Variants in SCAMP1 observed in about 807,000 individuals in gnomAD.
SCAMP1 encodes secretory carrier membrane protein 1.
A neutral mutation model predicts 41.8 loss-of-function variants in SCAMP1; 15 were observed. The ratio of observed to expected loss-of-function variants is 0.36; its 90% CI spans 0.24 to 0.55. The LOEUF is 0.55. SCAMP1 is among the 20% of genes least tolerant of loss of function. The pLI, the probability that SCAMP1 is intolerant of heterozygous loss-of-function variation, is 0.86. For missense variants in SCAMP1, 341 were observed against 412.6 expected, an observed-to-expected ratio of 0.83 and a Z score of 1.50; for synonymous variants, 135 against 136.8, an observed-to-expected ratio of 0.99 and a Z score of 0.09.
chr5:78,406,710 TGTA>T (rs1206349044), intron 2 of SCAMP1, among the ~76,000 whole-genome samples: 2 of 152,182 alleles, frequency 1.3e-5, no homozygotes, highest in African/African-American at 4.8e-5. Flanking sequence ...AAGAGGCAAA[TGTA>T]GTAAGGTAAT....
chr5:78,454,145 T>A (rs1753319111), intron 7 of SCAMP1, among the ~76,000 whole-genome samples: 1 of 152,086 alleles, frequency 6.6e-6, no homozygotes, highest in South Asian at 2.1e-4. Flanking sequence ...CAATTTGACT[T>A]CCTCTTTTCC....
chr5:78,419,225 G>A lies in SCAMP1; in HGVS notation c.472+322G>A, dbSNP rs984195381. Among the ~76,000 whole-genome samples the A allele has an allele frequency of 3.3e-5, 5 of 152,030 alleles. No homozygotes were observed. The East Asian group carries it at 9.6e-4, about 29-fold the overall frequency. ...GATGTTATCTAGACATGATTTGCTT[G>A]GAAAAAATAGTGCATACTAATTTTA... On this transcript the variant is annotated intron_variant, in intron 5 of 8. Coordinates refer to ENST00000621999, the MANE Select transcript of SCAMP1 (RefSeq NM_004866.6).
Position 78,416,549 on chromosome 5 carries a change from A to G in SCAMP1, c.243A>G (p.Ala81=), listed in dbSNP as rs373544942. Residue 81 remains alanine (A), a synonymous_variant, in exon 4 of 9, where the codon GCA becomes GCG. Coordinates refer to ENST00000621999, the MANE Select transcript of SCAMP1 (RefSeq NM_004866.6). The part of the protein sequence containing the change: ...PAYTQIAKEH[A]LAQAELLKRQ... Reference sequence around the variant, plus strand: ...TGATATTTTTTATTTAGGAACATGCATTGGCCCAAGCTGAACTTCTTAAGC... The same window carrying G: ...TGATATTTTTTATTTAGGAACATGCGTTGGCCCAAGCTGAACTTCTTAAGC... 105 of 1,593,142 alleles carry G rather than the reference A, an allele frequency of 6.6e-5. No homozygotes were observed. The highest frequency in any genetic ancestry group is 8.4e-5 in the Non-Finnish European group (98 of 1,169,760).
intron 6 of SCAMP1, among the ~76,000 whole-genome samples, chr5:78,436,450 A>G (rs1048349293): frequency 2.6e-5 from 4 of 152,236 alleles, no homozygotes; most frequent in Admixed American, 1.3e-4. Context: ...CTGGCTAGCC[A>G]GTTTTCCCAG....
At chr5:78,458,643 A>C (rs868157383) in intron 7 of SCAMP1, among the ~76,000 whole-genome samples, 4 of 152,322 alleles carry the variant, frequency 2.6e-5, no homozygotes, top group Middle Eastern at 6.8e-3. Context: ...CCAGTTTGGG[A>C]GGCCGAGTCA....
intron 1 of SCAMP1, 147 bp downstream of exon 1, chr5:78,360,875 T>C (rs956434361): frequency 5.4e-6 from 4 of 739,184 alleles, no homozygotes; most frequent in Non-Finnish European, 8.9e-6. Context: ...CCATTTGGGG[T>C]CGCGCCCCGG....
intron 8 of SCAMP1, among the ~76,000 whole-genome samples, chr5:78,467,558 C>T (rs1345693344): frequency 2.6e-5 from 4 of 152,170 alleles, no homozygotes; most frequent in African/African-American, 9.7e-5. Context: ...ATATGGATAT[C>T]ATGCAGCATA....
rs376714439 is a variant in SCAMP1, at chr5:78,475,459, C to T, written c.853-45C>T. The stretch of plus-strand genomic sequence containing the variant: ...GATTAAGAGCTGCTGGAAATGAATG[C>T]GTAGGTTGCTACTTACCTTCTCCCA... On this transcript the variant is annotated intron_variant, in intron 8 of 8. Transcript: ENST00000621999. The T allele has an allele frequency of 7.7e-5, 109 of 1,421,484 alleles. No homozygotes were observed. The African/African-American group carries it at 1.3e-3, about 17-fold the overall frequency. 88.1% of individuals were successfully genotyped at this position (1,421,484 alleles called of 1,614,324 possible).
intron 1 of SCAMP1, among the ~76,000 whole-genome samples, chr5:78,368,010 G>A (rs1750841828): frequency 1.3e-5 from 2 of 152,072 alleles, no homozygotes; most frequent in African/African-American, 2.4e-5. Context: ...AGCATTTTTG[G>A]CCTGCTTCTT....
At chr5:78,391,619 G>A (rs1031225161) in intron 2 of SCAMP1, among the ~76,000 whole-genome samples, 6 of 152,342 alleles carry the variant, frequency 3.9e-5, no homozygotes, top group African/African-American at 1.4e-4. Flanking sequence ...GCCGGGCAGA[G>A]GCTGCACTCC....
At chr5:78,456,314 G>A (rs1291738176) in intron 7 of SCAMP1, among the ~76,000 whole-genome samples, 6 of 151,366 alleles carry the variant, frequency 4.0e-5, no homozygotes, top group Non-Finnish European at 8.8e-5. Flanking sequence ...ATTTTGCAGC[G>A]GCTGGTACCG....
At chr5:78,440,832 C>T (rs929042677) in intron 6 of SCAMP1, among the ~76,000 whole-genome samples, 1 of 152,196 alleles carries the variant, frequency 6.6e-6, no homozygotes, top group African/African-American at 2.4e-5. Flanking sequence ...GCAGGCAGGC[C>T]TCCTTGAGTT....
chr5:78,384,429 A>G (rs1325489830), intron 1 of SCAMP1, among the ~76,000 whole-genome samples: 2 of 152,082 alleles, frequency 1.3e-5, no homozygotes, highest in Admixed American at 1.3e-4. Context: ...CTCTTTACCA[A>G]TTTGGATGCC....
chr5:78,382,957 G>C (rs977702811), intron 1 of SCAMP1, among the ~76,000 whole-genome samples: 7 of 151,280 alleles, frequency 4.6e-5, no homozygotes, highest in Non-Finnish European at 1.0e-4. Flanking sequence ...CCTTTGGATT[G>C]ATATCCAGGA....
chr5:78,420,691 A>G (rs1355926355), intron 5 of SCAMP1, among the ~76,000 whole-genome samples: 1 of 152,172 alleles, frequency 6.6e-6, no homozygotes, highest in Non-Finnish European at 1.5e-5. Context: ...AAGTGACTTC[A>G]TCTGGAGCTC....
At chr5:78,363,184 G>A (rs1262578101) in intron 1 of SCAMP1, among the ~76,000 whole-genome samples, 3 of 150,746 alleles carry the variant, frequency 2.0e-5, no homozygotes, top group Non-Finnish European at 1.5e-5. Context: ...GAGCCACTGC[G>A]TTCAAGCAGA....
At position 78,416,632 on chromosome 5, in the gene SCAMP1, A is replaced by G; in HGVS notation, c.326A>G (p.Gln109Arg). ...TTAGATCGTCGGGAACGAGAAATGC[A>G]AAACCTCAGTCAACATGGTAGTATC... ...AELDRREREM[Q>R]NLSQHGRKNN... The change falls in exon 4 of 9, where the codon CAA becomes CGA. Residue 109 changes from glutamine (Q) to arginine (R), a missense_variant. Transcript: ENST00000621999. The G allele has an allele frequency of 6.3e-7, 1 of 1,588,162 alleles. No individual in the cohort carries two copies. The highest frequency in any genetic ancestry group is 8.6e-7 in the Non-Finnish European group (1 of 1,166,834).
At chr5:78,363,337 C>T (rs181798893) in intron 1 of SCAMP1, among the ~76,000 whole-genome samples, 2 of 152,074 alleles carry the variant, frequency 1.3e-5, no homozygotes, top group East Asian at 3.9e-4. Flanking sequence ...CTCAGACTCC[C>T]AAGTAGCTGG....
chr5:78,399,732 C>T (rs1187211457), intron 2 of SCAMP1, among the ~76,000 whole-genome samples: 2 of 152,002 alleles, frequency 1.3e-5, no homozygotes, highest in Non-Finnish European at 2.9e-5. Flanking sequence ...ATATTTTCTC[C>T]CAGTCTGTGG....
Sources: allele counts gnomAD v4.1 joint callset (sites outside exome capture counted in the v4.1 genomes callset), GRCh38; gene constraint gnomAD v4.1.1; transcripts MANE v1.5; gene names NCBI Gene and HGNC (gene_info 2026-07-23, HGNC 2026-07-21).